Variants in LTBP1 observed in about 807,000 individuals in gnomAD.
The protein encoded by LTBP1 is latent-transforming growth factor beta-binding protein 1.
LTBP1 carries 129 observed loss-of-function variants against 207.6 expected under a neutral mutation model. The observed-to-expected ratio is 0.62, with a 90% CI of 0.54 to 0.72. The LOEUF (loss-of-function observed/expected upper bound fraction) is 0.72, where lower values mean the gene tolerates loss of function less well. Among genes scored for constraint, LTBP1 ranks in the 30% least tolerant of loss-of-function variants. The probability of loss-of-function intolerance (pLI) is 0.00; values close to 1 mark genes in which losing one functional copy is unlikely to be tolerated. For missense variants in LTBP1, 2,281 were observed against 2,217.2 expected (o/e 1.03, Z -0.58); for synonymous variants, 963 against 833.7 (o/e 1.16, Z -2.67).
At chr2:33,339,295 G>A (rs1426960576) in intron 24 of LTBP1, among the ~76,000 whole-genome samples, 3 of 152,094 alleles carry the variant, frequency 2.0e-5, no homozygotes, top group Non-Finnish European at 2.9e-5. Flanking sequence ...TAGATAAGTG[G>A]TTCTAAAGGA....
At chr2:33,062,472 A>C in intron 3 of LTBP1, among the ~76,000 whole-genome samples, 1 of 152,158 alleles carries the variant, frequency 6.6e-6, no homozygotes, top group Admixed American at 6.5e-5. Flanking sequence ...ACTTGAGTGT[A>C]GTGTAAGGTG....
intron 8 of LTBP1, among the ~76,000 whole-genome samples, chr2:33,218,449 C>T (rs1365355540): frequency 6.6e-6 from 1 of 152,080 alleles, no homozygotes; most frequent in Non-Finnish European, 1.5e-5. Flanking sequence ...CAGGCTGGAG[C>T]ACAGTGGGGC....
At chr2:33,180,770 T>C (rs2148673680) in intron 5 of LTBP1, among the ~76,000 whole-genome samples, 2 of 152,256 alleles carry the variant, frequency 1.3e-5, no homozygotes, top group Middle Eastern at 6.8e-3. Flanking sequence ...TAGCATAGGT[T>C]CTTAAAGTGA....
intron 10 of LTBP1, among the ~76,000 whole-genome samples, chr2:33,247,052 T>C (rs943145054): frequency 6.6e-6 from 1 of 152,214 alleles, no homozygotes; most frequent in African/African-American, 2.4e-5. Flanking sequence ...AGCTCCAGGA[T>C]GAGTGCTGCT....
chr2:33,186,969 G>A lies in LTBP1; in HGVS notation c.1315G>A (p.Val439Met), dbSNP rs118167062. The change falls in exon 6 of 34, where the codon GTG becomes ATG. Residue 439 changes from valine to methionine, a missense_variant. Val to Met is a conservative substitution (Grantham distance 21). Transcript: ENST00000404816. ...TCAGATCCCAGTCCATGGTGCCAGC[G>A]TGCCTAAACTTTATCAGCATTCCCA... ...LCQIPVHGASVPKLYQHSQQP... is the reference protein window; with the variant it reads ...LCQIPVHGASMPKLYQHSQQP... 380 of 1,614,138 alleles carry A rather than the reference G, an allele frequency of 2.4e-4. No individual in the cohort carries two copies. In the East Asian group the frequency reaches 6.3e-3, roughly 27 times the overall value.
rs2148428469 is a variant in LTBP1, at chr2:33,275,868, C to T, written c.2937C>T (p.Phe979=). ...ACTGTGTCAATACTGTGGGGGCCTT[C>T]CGGTGTGAATACTGTGACAGCGGGT... is the stretch of plus-strand genomic sequence containing the variant. The part of the protein sequence containing the change: ...EGHCVNTVGA[F]RCEYCDSGYR... Residue 979 remains phenylalanine (F), a synonymous_variant, in exon 18 of 34, where the codon TTC becomes TTT. Transcript: ENST00000404816. The T allele has an allele frequency of 1.2e-6, 2 of 1,612,336 alleles. No homozygotes were observed. Among genetic ancestry groups the T allele is most frequent in the African/African-American group, 1.3e-5 (1 of 74,996 alleles).
At position 33,252,818 on chromosome 2, in the gene LTBP1, G is replaced by A; in HGVS notation, c.2141G>A (p.Cys714Tyr). ...GTGGGCAAGGCCTGGGGCCCACACTGTGAGAAATGTCCCCTTCCAGGCACA... is the reference window on the plus strand; with the variant it reads ...GTGGGCAAGGCCTGGGGCCCACACTATGAGAAATGTCCCCTTCCAGGCACA... ...CSVGKAWGPH[C>Y]EKCPLPGTAA... The change falls in exon 11 of 34, where the codon TGT becomes TAT. Residue 714 changes from cysteine to tyrosine, a missense_variant. This residue lies in a region of LTBP1 where 1,671 missense variants were observed against 1,634.8 expected (regional missense o/e 1.02). Transcript: ENST00000404816. 6.2e-7 allele frequency: 1 copy of A among 1,608,386 alleles called. No homozygotes were observed. Among genetic ancestry groups the A allele is most frequent in the Non-Finnish European group, 8.5e-7 (1 of 1,176,300 alleles).
chr2:33,260,465 G>C (rs2092979176), intron 13 of LTBP1, among the ~76,000 whole-genome samples: 2 of 152,038 alleles, frequency 1.3e-5, no homozygotes, highest in African/African-American at 4.8e-5. Flanking sequence ...CATTCTTTAA[G>C]CTGACAAGAA....
At chr2:33,167,383 A>C (rs1474316641) in intron 5 of LTBP1, among the ~76,000 whole-genome samples, 1 of 151,606 alleles carries the variant, frequency 6.6e-6, no homozygotes, top group Admixed American at 6.6e-5. Context: ...AAAACCAAAC[A>C]TATATTAGGT....
chr2:33,053,328 A>G (rs1323232540), intron 3 of LTBP1, among the ~76,000 whole-genome samples: 2 of 152,176 alleles, frequency 1.3e-5, no homozygotes, highest in East Asian at 1.9e-4. Flanking sequence ...TACATTTGCT[A>G]CAAATGATGA....
chr2:33,067,652 G>T (rs1000138782), intron 3 of LTBP1, among the ~76,000 whole-genome samples: 1 of 152,120 alleles, frequency 6.6e-6, no homozygotes, highest in Non-Finnish European at 1.5e-5. Flanking sequence ...CATTTACATT[G>T]TATTAGGTAT....
intron 19 of LTBP1, among the ~76,000 whole-genome samples, chr2:33,280,765 A>C (rs1000062225): frequency 1.3e-5 from 2 of 152,100 alleles, no homozygotes; most frequent in Admixed American, 6.5e-5. Context: ...TTTCTCCCTC[A>C]AATGCTTAAG....
At chr2:33,170,356 C>T (rs927875979) in intron 5 of LTBP1, among the ~76,000 whole-genome samples, 12 of 140,344 alleles carry the variant, frequency 8.6e-5, no homozygotes, top group African/African-American at 2.1e-4. Context: ...GATTATATCC[C>T]GCACCTGGCT....
intron 2 of LTBP1, among the ~76,000 whole-genome samples, chr2:32,979,711 G>C (rs1682460839): frequency 6.6e-6 from 1 of 152,136 alleles, no homozygotes; most frequent in Non-Finnish European, 1.5e-5. Flanking sequence ...CTATTGTGTA[G>C]ATTAAGTCCA....
At chr2:33,232,972 C>A (rs1009473589) in intron 9 of LTBP1, among the ~76,000 whole-genome samples, 2 of 152,026 alleles carry the variant, frequency 1.3e-5, no homozygotes, top group Non-Finnish European at 2.9e-5. Context: ...TAATGTGTTT[C>A]TCTCTTTTGA....
intron 9 of LTBP1, among the ~76,000 whole-genome samples, chr2:33,236,113 G>A (rs897683701): frequency 2.6e-4 from 40 of 152,282 alleles, no homozygotes; most frequent in Non-Finnish European, 5.1e-4. Flanking sequence ...AATAATAGTA[G>A]AAAACCAACA....
At chr2:33,014,216 A>G (rs1688036935) in intron 2 of LTBP1, among the ~76,000 whole-genome samples, 1 of 152,196 alleles carries the variant, frequency 6.6e-6, no homozygotes, top group Admixed American at 6.5e-5. Flanking sequence ...GGAATTCTTC[A>G]TTATTCCAGG....
At chr2:33,250,542 G>A (rs952834167) in intron 10 of LTBP1, among the ~76,000 whole-genome samples, 3 of 152,108 alleles carry the variant, frequency 2.0e-5, no homozygotes, top group African/African-American at 7.2e-5. Flanking sequence ...AGCCTGGGGA[G>A]GCTCCCCAGT....
intron 2 of LTBP1, among the ~76,000 whole-genome samples, chr2:32,966,598 TG>T (rs1321195774): frequency 6.6e-6 from 1 of 152,162 alleles, no homozygotes; most frequent in Non-Finnish European, 1.5e-5. Context: ...AAGTGAGTGT[TG>T]GATTTTGTGA....
Sources: gnomAD v4.1 joint callset for allele counts (sites outside exome capture counted in the v4.1 genomes callset) on GRCh38, gnomAD v4.1.1 for gene constraint, gnomAD v4.1.1 regional missense constraint, MANE v1.5 for transcripts, NCBI Gene and HGNC (gene_info 2026-07-23, HGNC 2026-07-21) for gene names.